LRRC71: variants seen among roughly 807,000 people sequenced by gnomAD.
LRRC71 encodes leucine rich repeat containing 71, also known as leucine-rich repeat-containing protein 71.
A neutral mutation model predicts 66.6 loss-of-function variants in LRRC71; 54 were observed. The ratio of observed to expected loss-of-function variants is 0.81; its 90% CI spans 0.65 to 1.02. The LOEUF (loss-of-function observed/expected upper bound fraction) is 1.02, where lower values mean the gene tolerates loss of function less well. Among genes scored for constraint, LRRC71 ranks in the 50% least tolerant of loss-of-function variants. The probability of loss-of-function intolerance (pLI) is 0.00; values close to 1 mark genes in which losing one functional copy is unlikely to be tolerated. For missense variants in LRRC71, 724 were observed against 718.0 expected (o/e 1.01, Z -0.10); for synonymous variants, 323 against 303.9 (o/e 1.06, Z -0.65).
At chr1:156,935,785 T>G, downstream of LRRC71, 3 of 563,256 alleles carry the variant, frequency 5.3e-6, no homozygotes, top group South Asian at 4.9e-5. Flanking sequence ...CCTTGGAGGG[T>G]TGGGCTAAGG....
At chr1:156,923,081 C>G (rs73006666) in intron 1 of LRRC71, among the ~76,000 whole-genome samples, 291 of 152,310 alleles carry the variant, frequency 1.9e-3, no homozygotes, top group African/African-American at 6.7e-3. Context: ...CATGAACCCT[C>G]GAGCCTCTCT....
chr1:156,927,515 C>T lies in LRRC71; in HGVS notation c.682C>T (p.Arg228Trp), dbSNP rs774164323. 3.2e-6 allele frequency: 5 copies of T among 1,539,158 alleles called. No homozygotes were observed. Among genetic ancestry groups the T allele is most frequent in the African/African-American group, 1.4e-5 (1 of 72,672 alleles). The change falls in exon 7 of 15, where the codon CGG becomes TGG. Residue 228 changes from arginine (R) to tryptophan (W), a missense_variant. By Grantham distance (101) the Arg-to-Trp change is moderately radical (BLOSUM62 -3). Transcript: ENST00000337428. ...LDSTIAHLSLRNNNIDDRGAQ... is the reference protein window; with the variant it reads ...LDSTIAHLSLWNNNIDDRGAQ... Reference sequence around the variant, plus strand: ...CCCCAGGATTGCGCACTTGTCTCTGCGGAACAATAACATCGACGACCGCGG... The same window carrying T: ...CCCCAGGATTGCGCACTTGTCTCTGTGGAACAATAACATCGACGACCGCGG...
Position 156,924,040 on chromosome 1 carries a change from G to GCCCCCCCC in LRRC71, c.256_257insCCCCCCCC (p.Arg86ProfsTer21). 6.5e-7 allele frequency: 1 copy of GCCCCCCCC among 1,546,550 alleles called. No individual in the cohort carries two copies. Among genetic ancestry groups the GCCCCCCCC allele is most frequent in the Non-Finnish European group, 8.7e-7 (1 of 1,144,322 alleles). ...CGGACTTCCCCAAAGTTGTCAACCG[G>GCCCCCCCC]CCCCGCCCCCACCCGCCCTTCGTCC... On this transcript the variant is annotated frameshift_variant, in exon 2 of 15. Transcript: ENST00000337428. LOFTEE classifies it high-confidence loss of function.
rs1267762469 is a variant in LRRC71, at chr1:156,923,986, C to T, written c.198C>T (p.Phe66=). 2 of 1,542,210 alleles carry T rather than the reference C, an allele frequency of 1.3e-6. No individual in the cohort carries two copies. The highest frequency in any genetic ancestry group is 2.4e-5 in the South Asian group (2 of 82,660). The change falls in exon 2 of 15, where the codon TTC becomes TTT. Residue 66 remains phenylalanine, a synonymous_variant. Transcript: ENST00000337428. ...GCTCCGGGGTCCTCGAGACCGACTT[C>T]GCCGAGCTCTGCACGCGGTGGGGCT... ...YQCSGVLETD[F]AELCTRWGYT...
rs185982614 is a variant in LRRC71, at chr1:156,930,384, C to T, written c.1241-145C>T. ...CTGGGATTACAGGTGTGAGCTACAG[C>T]GCCCAGCCCCCTCCAGCCATTTCTA... On this transcript the variant is annotated intron_variant, in intron 11 of 14. Transcript: ENST00000337428. 3,463 of 636,344 alleles carry T rather than the reference C, an allele frequency of 5.4e-3. 21 individuals carry two copies. The highest frequency in any genetic ancestry group is 6.6e-3 in the South Asian group (342 of 51,536). 39.4% of individuals were successfully genotyped at this position (636,344 alleles called of 1,614,324 possible).
chr1:156,930,402 C>A, intron 11 of LRRC71, 127 bp from the exon 12 acceptor site: 1 of 720,764 alleles, frequency 1.4e-6, no homozygotes. Context: ...CCCCTCCAGC[C>A]ATTTCTATTG....
At chr1:156,938,382 T>G in the LRRC71 span, 1 of 1,598,096 alleles carries the variant, frequency 6.3e-7, no homozygotes, top group South Asian at 1.1e-5. Context: ...CACTCCAGTC[T>G]TGGCCTGTCT....
intron 14 of LRRC71, 63 bp downstream of exon 14, chr1:156,932,608 C>T (rs745426898): frequency 1.1e-5 from 17 of 1,613,760 alleles, no homozygotes; most frequent in East Asian, 8.9e-5. Flanking sequence ...TCATACTAGA[C>T]AGCTGCTGCA....
At chr1:156,933,337 GT>G (rs1463960936), downstream of LRRC71, among the ~76,000 whole-genome samples, 5 of 152,210 alleles carry the variant, frequency 3.3e-5, no homozygotes, top group East Asian at 9.6e-4. Flanking sequence ...TTATGCCAGG[GT>G]TTGCATTCAG....
intron 13 of LRRC71, 123 bp from the exon 14 acceptor site, chr1:156,932,301 G>T (rs1654496554): frequency 2.6e-6 from 2 of 774,562 alleles, no homozygotes; most frequent in South Asian, 3.4e-5. Context: ...AGGGAAAGGT[G>T]TGCCTGGGCC....
At chr1:156,933,649 C>T (rs1654682050), downstream of LRRC71, among the ~76,000 whole-genome samples, 1 of 152,210 alleles carries the variant, frequency 6.6e-6, no homozygotes, top group Non-Finnish European at 1.5e-5. Context: ...CAATCTGAAA[C>T]CAGAGGTTCC....
At chr1:156,937,164 G>T, downstream of LRRC71, 1 of 1,591,308 alleles carries the variant, frequency 6.3e-7, no homozygotes, top group Admixed American at 1.7e-5. Context: ...TAGGGCTCCC[G>T]CGAAGACACA....
At chr1:156,939,647 T>C in the LRRC71 span, 2 of 1,613,984 alleles carry the variant, frequency 1.2e-6, no homozygotes, top group Admixed American at 3.3e-5. Flanking sequence ...CCAGAATTTC[T>C]GGTCCTTGGG....
chr1:156,935,929 C>T (rs1461372164), downstream of LRRC71: 2 of 1,525,068 alleles, frequency 1.3e-6, no homozygotes, highest in African/African-American at 1.4e-5. Context: ...ATCCCCCCTA[C>T]CCTGTGCCCC....
At chr1:156,934,773 C>T (rs1654771245), downstream of LRRC71, 2 of 151,564 alleles carry the variant, frequency 1.3e-5, no homozygotes, top group Admixed American at 1.3e-4. Context: ...CAATCCTAAC[C>T]AGTCTTACAG....
At chr1:156,931,366 AGAT>A (rs1654340052) in intron 12 of LRRC71, among the ~76,000 whole-genome samples, 1 of 152,148 alleles carries the variant, frequency 6.6e-6, no homozygotes, top group Non-Finnish European at 1.5e-5. Flanking sequence ...AGGGAGGAAG[AGAT>A]TGGGGTTGCC....
the LRRC71 span, chr1:156,939,876 CAGG>C: frequency 6.2e-7 from 1 of 1,608,624 alleles, no homozygotes; most frequent in Non-Finnish European, 8.5e-7. Context: ...GACCTGGCAG[CAGG>C]CTCCACAGGA....
intron 9 of LRRC71, among the ~76,000 whole-genome samples, chr1:156,928,568 T>TAC (rs1653784544): frequency 1.2e-5 from 1 of 80,658 alleles, no homozygotes; most frequent in African/African-American, 7.6e-5. Context: ...TCTTACTTTT[T>TAC]TTTTTTTTTT....
At chr1:156,921,233 G>A (rs1283928733) in intron 1 of LRRC71, among the ~76,000 whole-genome samples, 1 of 152,226 alleles carries the variant, frequency 6.6e-6, no homozygotes, top group Non-Finnish European at 1.5e-5. Flanking sequence ...GCCAGGAGGT[G>A]CCTTTGAACA....
Sources: gnomAD v4.1 joint callset for allele counts (sites outside exome capture counted in the v4.1 genomes callset) on GRCh38, gnomAD v4.1.1 for gene constraint, MANE v1.5 for transcripts, NCBI Gene and HGNC (gene_info 2026-07-23, HGNC 2026-07-21) for gene names.